Variants in BBS9 observed in about 807,000 individuals in gnomAD.
BBS9 encodes protein PTHB1.
A neutral mutation model predicts 117.7 loss-of-function variants in BBS9; 89 were observed. The observed-to-expected ratio is 0.76, with a 90% CI of 0.64 to 0.90. The LOEUF is 0.90. Ranked by LOEUF, BBS9 falls within the 40% of genes least tolerant of loss-of-function variation. The pLI, the probability that BBS9 is intolerant of heterozygous loss-of-function variation, is 0.00. For missense variants in BBS9, 982 were observed against 1,042.2 expected, an observed-to-expected ratio of 0.94 and a Z score of 0.80; for synonymous variants, 379 against 370.9, an observed-to-expected ratio of 1.02 and a Z score of -0.25.
chr7:33,557,109 T>C (rs1431299306), intron 21 of BBS9, among the ~76,000 whole-genome samples: 5 of 152,158 alleles, frequency 3.3e-5, no homozygotes, highest in Non-Finnish European at 7.4e-5. Context: ...CTCCTACAAA[T>C]GCCAATAATA....
intron 21 of BBS9, among the ~76,000 whole-genome samples, chr7:33,566,074 TAGAC>T (rs1352884059): frequency 6.6e-6 from 1 of 151,160 alleles, no homozygotes. Context: ...TTCCTTCCAT[TAGAC>T]AGATTCTGTT....
chr7:33,179,907 C>T (rs966734556), intron 5 of BBS9, among the ~76,000 whole-genome samples: 1 of 152,180 alleles, frequency 6.6e-6, no homozygotes, highest in Non-Finnish European at 1.5e-5. Flanking sequence ...ATCAGTATAT[C>T]AGTATGTTCA....
chr7:33,340,813 T>C (rs373566026), intron 10 of BBS9, 84 bp from the exon 11 acceptor site: 12 of 1,125,366 alleles, frequency 1.1e-5, no homozygotes, highest in African/African-American at 3.1e-5. Context: ...TTTTTATATG[T>C]GGTATAGACA....
intron 21 of BBS9, among the ~76,000 whole-genome samples, chr7:33,538,962 G>A (rs1468001126): frequency 3.3e-5 from 5 of 152,026 alleles, no homozygotes; most frequent in African/African-American, 1.2e-4. Flanking sequence ...CTATAGATTT[G>A]TTGGCCAAAT....
At chr7:33,552,872 T>C (rs1333167033) in intron 21 of BBS9, among the ~76,000 whole-genome samples, 1 of 152,186 alleles carries the variant, frequency 6.6e-6, no homozygotes, top group East Asian at 1.9e-4. Context: ...CTTAGACTTG[T>C]TACCGTGGCC....
intron 21 of BBS9, among the ~76,000 whole-genome samples, chr7:33,560,437 G>A (rs367726879): frequency 1.3e-5 from 2 of 152,080 alleles, no homozygotes; most frequent in Non-Finnish European, 2.9e-5. Context: ...CAAACTTGCC[G>A]TTAACTTTGT....
chr7:33,142,005 G>A (rs1251099480), intron 1 of BBS9, among the ~76,000 whole-genome samples: 1 of 151,170 alleles, frequency 6.6e-6, no homozygotes, highest in Non-Finnish European at 1.5e-5. Flanking sequence ...GTGCTATCTC[G>A]GCTCACTGCA....
chr7:33,223,691 T>G (rs533840119), intron 5 of BBS9, among the ~76,000 whole-genome samples: 30 of 152,286 alleles, frequency 2.0e-4, no homozygotes, highest in African/African-American at 7.0e-4. Flanking sequence ...GTCTTTTTTT[T>G]TTTCACTAGA....
chr7:33,272,316 A>G (rs1799934965), intron 7 of BBS9, among the ~76,000 whole-genome samples: 1 of 152,190 alleles, frequency 6.6e-6, no homozygotes, highest in Non-Finnish European at 1.5e-5. Context: ...ATTTACCTGT[A>G]TAACAAACCT....
chr7:33,201,119 T>C (rs1785781225), intron 5 of BBS9, among the ~76,000 whole-genome samples: 1 of 152,160 alleles, frequency 6.6e-6, no homozygotes, highest in Non-Finnish European at 1.5e-5. Flanking sequence ...TTTTCACTCC[T>C]ATTTGGGGAC....
intron 9 of BBS9, among the ~76,000 whole-genome samples, chr7:33,319,661 G>T (rs930758487): frequency 6.6e-6 from 1 of 151,814 alleles, no homozygotes; most frequent in African/African-American, 2.4e-5. Flanking sequence ...ATTTTTTCAT[G>T]ACCAAGAACC....
intron 11 of BBS9, 102 bp downstream of exon 11, chr7:33,341,075 A>G: frequency 2.1e-6 from 2 of 932,458 alleles, no homozygotes; most frequent in South Asian, 1.4e-5. Context: ...CCAAGTAGAC[A>G]CTTCAGGGAG....
At chr7:33,170,666 C>T (rs960999042) in intron 4 of BBS9, among the ~76,000 whole-genome samples, 7 of 150,868 alleles carry the variant, frequency 4.6e-5, no homozygotes, top group Non-Finnish European at 8.9e-5. Context: ...TCAAATTGTC[C>T]CTGTTTGCGG....
At chr7:33,543,606 G>C (rs1223736839) in intron 21 of BBS9, among the ~76,000 whole-genome samples, 1 of 152,176 alleles carries the variant, frequency 6.6e-6, no homozygotes, top group African/African-American at 2.4e-5. Flanking sequence ...AGGTTACCTG[G>C]TGTTTCTGTC....
intron 15 of BBS9, among the ~76,000 whole-genome samples, chr7:33,353,567 A>C (rs1819079597): frequency 6.6e-6 from 1 of 152,124 alleles, no homozygotes; most frequent in African/African-American, 2.4e-5. Context: ...AACAGAGTAC[A>C]TAGCAGGCAC....
intron 5 of BBS9, among the ~76,000 whole-genome samples, chr7:33,225,143 C>T (rs1790992016): frequency 6.6e-6 from 1 of 152,124 alleles, no homozygotes; most frequent in Non-Finnish European, 1.5e-5. Flanking sequence ...TTATAATAAA[C>T]TAATGGATTT....
chr7:33,350,202 T>A (rs1818370444), intron 13 of BBS9, among the ~76,000 whole-genome samples: 2 of 152,190 alleles, frequency 1.3e-5, no homozygotes, highest in Admixed American at 1.3e-4. Context: ...CTTCTATCTC[T>A]TATTCACGAA....
intron 21 of BBS9, among the ~76,000 whole-genome samples, chr7:33,570,553 A>G (rs1360887309): frequency 1.3e-5 from 2 of 152,376 alleles, no homozygotes; most frequent in East Asian, 3.9e-4. Flanking sequence ...TGCAAGCAAG[A>G]TCCAGCAGTG....
chr7:33,312,931 T>G (rs1284810218), intron 9 of BBS9, among the ~76,000 whole-genome samples: 1 of 152,158 alleles, frequency 6.6e-6, no homozygotes, highest in East Asian at 1.9e-4. Flanking sequence ...TATAGTCTAA[T>G]TCTGAGAACT....
Sources: gnomAD v4.1 joint callset for allele counts (sites outside exome capture counted in the v4.1 genomes callset) on GRCh38, gnomAD v4.1.1 for gene constraint, MANE v1.5 for transcripts, NCBI Gene and HGNC (gene_info 2026-07-23, HGNC 2026-07-21) for gene names.